SDHAF4: variants seen among roughly 807,000 people sequenced by gnomAD.
The protein encoded by SDHAF4 is succinate dehydrogenase assembly factor 4, mitochondrial.
A neutral mutation model predicts 14.3 loss-of-function variants in SDHAF4; 14 were observed. The ratio of observed to expected loss-of-function variants is 0.98; its 90% confidence interval spans 0.65 to 1.53. SDHAF4 has a LOEUF of 1.53. SDHAF4 is among the 40% of genes most tolerant of loss of function. SDHAF4 has a pLI of 0.00. For synonymous variants in SDHAF4, 63 were observed against 47.3 expected, an observed-to-expected ratio of 1.33 and a Z score of -1.36; for missense variants, 141 against 129.3, an observed-to-expected ratio of 1.09 and a Z score of -0.44.
chr6:70,574,195 C>T (rs527285089), intron 1 of SDHAF4, among the ~76,000 whole-genome samples: 3 of 151,956 alleles, frequency 2.0e-5, no homozygotes, highest in Non-Finnish European at 4.4e-5. Context: ...GTGGCACATG[C>T]CTGTAATCCC....
At chr6:70,597,133 TTTTG>T in the SDHAF4 span, among the ~76,000 whole-genome samples, 5 of 151,948 alleles carry the variant, frequency 3.3e-5, no homozygotes, top group Non-Finnish European at 7.4e-5. Flanking sequence ...TTTTGGTGTT[TTTTG>T]TTTGTTTGTT....
downstream of SDHAF4, among the ~76,000 whole-genome samples, chr6:70,593,858 A>AT (rs201288538): frequency 6.6e-5 from 10 of 151,724 alleles, no homozygotes; most frequent in South Asian, 2.1e-4. Context: ...TGCCTGGCTA[A>AT]TTTTTTTTGT....
chr6:70,595,858 GAAA>G, the SDHAF4 span, among the ~76,000 whole-genome samples: 1 of 145,334 alleles, frequency 6.9e-6, no homozygotes, highest in African/African-American at 2.5e-5. Flanking sequence ...AAAAAGAAAA[GAAA>G]AAAAGAAAAA....
chr6:70,575,378 A>G (rs543449607), intron 1 of SDHAF4, among the ~76,000 whole-genome samples: 1 of 148,632 alleles, frequency 6.7e-6, no homozygotes, highest in South Asian at 2.2e-4. Context: ...ACTCTGTCTG[A>G]AAAAAAAAAG....
At chr6:70,590,669 T>C (rs937613028), downstream of SDHAF4, among the ~76,000 whole-genome samples, 1 of 152,240 alleles carries the variant, frequency 6.6e-6, no homozygotes, top group Non-Finnish European at 1.5e-5. Flanking sequence ...AACTGCTGCC[T>C]GGAATTTTCT....
chr6:70,572,912 T>C (rs993239163), intron 1 of SDHAF4, among the ~76,000 whole-genome samples: 1 of 152,236 alleles, frequency 6.6e-6, no homozygotes, highest in African/African-American at 2.4e-5. Context: ...TAAAGACTTT[T>C]GTATAGTCAG....
At chr6:70,589,952 C>G (rs969403063), downstream of SDHAF4, among the ~76,000 whole-genome samples, 21 of 152,200 alleles carry the variant, frequency 1.4e-4, no homozygotes, top group African/African-American at 4.8e-4. Flanking sequence ...AGATTTATTG[C>G]AAAGTAAAAA....
At chr6:70,597,608 A>C in the SDHAF4 span, among the ~76,000 whole-genome samples, 2 of 152,168 alleles carry the variant, frequency 1.3e-5, no homozygotes, top group Non-Finnish European at 2.9e-5. Context: ...ACGCCAAACA[A>C]ACCAAAGGGA....
rs745766552 is a variant in SDHAF4, at chr6:70,566,947, C to T, written c.7C>T (p.Pro3Ser). The T allele has an allele frequency of 1.3e-6, 2 of 1,586,258 alleles. No homozygotes were observed. Among genetic ancestry groups the T allele is most frequent in the South Asian group, 1.2e-5 (1 of 86,700 alleles). Residue 3 changes from proline to serine, a missense_variant, in exon 1 of 3, where the codon CCA (proline) becomes TCA (serine). By Grantham distance (74) the Pro-to-Ser change is moderately conservative. Transcript: ENST00000370474. ...GGCTCGGGGAGTCGGCGCCATGACC[C>T]CATCGAGGCTTCCCTGGTTGCTTAG... is the stretch of plus-strand genomic sequence containing the variant. The part of the protein sequence containing the change: MT[P>S]SRLPWLLSWV...
At chr6:70,571,723 C>T (rs570648968) in intron 1 of SDHAF4, among the ~76,000 whole-genome samples, 25 of 152,248 alleles carry the variant, frequency 1.6e-4, no homozygotes, top group African/African-American at 5.8e-4. Flanking sequence ...ATTATTTGTT[C>T]CTTGAGGGTT....
At chr6:70,571,385 A>G (rs1036625759) in intron 1 of SDHAF4, among the ~76,000 whole-genome samples, 3 of 152,108 alleles carry the variant, frequency 2.0e-5, no homozygotes, top group African/African-American at 7.2e-5. Context: ...TTCTTCTATT[A>G]TACACTGAAA....
At chr6:70,569,330 G>A (rs1420881313) in intron 1 of SDHAF4, among the ~76,000 whole-genome samples, 2 of 151,544 alleles carry the variant, frequency 1.3e-5, no homozygotes, top group Non-Finnish European at 2.9e-5. Flanking sequence ...GTGCAATGGC[G>A]AGATCTCAGC....
chr6:70,570,287 A>G (rs776338167), intron 1 of SDHAF4, among the ~76,000 whole-genome samples: 28 of 152,172 alleles, frequency 1.8e-4, no homozygotes, highest in Non-Finnish European at 3.5e-4. Context: ...ATAGCCATTC[A>G]TATCATCTGC....
intron 2 of SDHAF4, among the ~76,000 whole-genome samples, chr6:70,583,913 G>A (rs537647386): frequency 1.3e-5 from 2 of 152,358 alleles, no homozygotes; most frequent in East Asian, 3.9e-4. Context: ...GCAGTGAGCA[G>A]TGAGGAAATG....
intron 1 of SDHAF4, among the ~76,000 whole-genome samples, chr6:70,575,735 G>C (rs1802246860): frequency 6.6e-6 from 1 of 151,938 alleles, no homozygotes; most frequent in Admixed American, 6.6e-5. Context: ...GTGAGAGAGA[G>C]AGAGTCATTC....
chr6:70,572,266 T>C (rs1802192285), intron 1 of SDHAF4, among the ~76,000 whole-genome samples: 1 of 152,070 alleles, frequency 6.6e-6, no homozygotes, highest in Non-Finnish European at 1.5e-5. Flanking sequence ...GGTTTCACCA[T>C]GTTGGCCAGG....
At chr6:70,580,080 GTGTATATTA>G in intron 2 of SDHAF4, among the ~76,000 whole-genome samples, 1 of 151,960 alleles carries the variant, frequency 6.6e-6, no homozygotes, top group African/African-American at 2.4e-5. Flanking sequence ...ACAAATATAT[GTGTATATTA>G]TATGTATGTG....
At chr6:70,590,997 T>C (rs1263482713), downstream of SDHAF4, among the ~76,000 whole-genome samples, 1 of 152,128 alleles carries the variant, frequency 6.6e-6, no homozygotes, top group East Asian at 1.9e-4. Context: ...GCTCAAGCAG[T>C]GAGGCAAGAA....
intron 2 of SDHAF4, among the ~76,000 whole-genome samples, chr6:70,587,168 T>TCACACACACACACACA (rs56012930): frequency 0.041 from 5,565 of 135,388 alleles, 173 homozygotes; most frequent in African/African-American, 0.069. Flanking sequence ...TGAAACTCCA[T>TCACACACACACACACA]CACACACACA....
Sources: gnomAD v4.1 joint callset for allele counts (sites outside exome capture counted in the v4.1 genomes callset) on GRCh38, gnomAD v4.1.1 for gene constraint, MANE v1.5 for transcripts, NCBI Gene and HGNC (gene_info 2026-07-23, HGNC 2026-07-21) for gene names.